OR2M4: variants seen among roughly 807,000 people sequenced by gnomAD.
OR2M4 encodes the protein olfactory receptor family 2 subfamily M member 4.
In OR2M4, 8 loss-of-function variants were observed where a neutral mutation model predicts 13.7. That is an observed-to-expected ratio of 0.58 (90% CI 0.34 to 1.05). The LOEUF is 1.05. Ranked by LOEUF, OR2M4 falls within the 50% of genes least tolerant of loss-of-function variation. The probability of loss-of-function intolerance (pLI) is 0.02; values close to 1 mark genes in which losing one functional copy is unlikely to be tolerated. For synonymous variants in OR2M4, 152 were observed against 141.3 expected (o/e 1.08, Z -0.53); for missense variants, 374 against 381.6 (o/e 0.98, Z 0.17).
At position 248,235,543 on chromosome 1, in the gene OR2M4, C is replaced by T. The variant is rs760869981; in HGVS notation, c.-19-3367C>T. 1.2e-3 allele frequency among the ~76,000 whole-genome samples: 189 copies of T among 152,136 alleles called. 1 individual carries two copies. Among genetic ancestry groups the T allele is most frequent in the Non-Finnish European group, 2.0e-3 (138 of 67,974 alleles). On this transcript the variant is annotated intron_variant, in intron 1 of 1. Transcript: ENST00000641868. ...GTAGTTTATCTAATTCTGTGAAAAA[C>T]GTCCATGGTAGTTTGATGGGAATAG...
Position 248,239,907 on chromosome 1 carries a change from A to G in OR2M4, c.*43A>G. 1 of 1,228,464 alleles carries G rather than the reference A, an allele frequency of 8.1e-7. No homozygotes were observed. The highest frequency in any genetic ancestry group is 1.5e-5 in the African/African-American group (1 of 65,762). The allele number at this position is 1,228,464 out of a possible 1,614,324, so 76.1% of individuals were successfully genotyped here. The stretch of plus-strand genomic sequence containing the variant: ...TGAGTGCCTACTGTGGTCAACACTC[A>G]TTCAAAAAAACTGGAATCTCTTAAA... On this transcript the variant is annotated 3_prime_UTR_variant, in exon 2 of 2. Coordinates refer to ENST00000641868, the MANE Select transcript of OR2M4 (RefSeq NM_017504.2).
chr1:248,237,859 C>T (rs1360533937), intron 1 of OR2M4, among the ~76,000 whole-genome samples: 2 of 152,172 alleles, frequency 1.3e-5, no homozygotes, highest in Non-Finnish European at 2.9e-5. Context: ...TGGTAGAACA[C>T]GCCCCGTAAG....
chr1:248,237,246 T>C (rs1045725750), intron 1 of OR2M4, among the ~76,000 whole-genome samples: 1 of 152,084 alleles, frequency 6.6e-6, no homozygotes, highest in South Asian at 2.1e-4. Context: ...TGGTTCAACA[T>C]ACAATAAACA....
rs1279231068 is a variant in OR2M4, at chr1:248,241,200, G to T, written c.*1336G>T. The T allele has an allele frequency of 6.6e-6, 1 of 152,152 alleles. No individual in the cohort carries two copies. The highest frequency in any genetic ancestry group is 6.5e-5 in the Admixed American group (1 of 15,272). The allele number at this position is 152,152 out of a possible 1,614,324, so 9.4% of individuals were successfully genotyped here. On this transcript the variant is annotated 3_prime_UTR_variant, in exon 2 of 2. Coordinates refer to ENST00000641868, the MANE Select transcript of OR2M4 (RefSeq NM_017504.2). Reference sequence around the variant, plus strand: ...CATCACCCTTGCCTAACCTCAGGCTGCACAGCTCATGGCTCCAAAAGAGTT... The same window carrying T: ...CATCACCCTTGCCTAACCTCAGGCTTCACAGCTCATGGCTCCAAAAGAGTT...
rs74650317 is a variant in OR2M4 at position 248,237,846 on chromosome 1, C to T, written c.-19-1064C>T. Among the ~76,000 whole-genome samples, 1,163 of 152,334 alleles carry T rather than the reference C, an allele frequency of 7.6e-3. 7 individuals are homozygous for T. Among genetic ancestry groups the T allele is most frequent in the African/African-American group, 0.01 (431 of 41,562 alleles). On this transcript the variant is annotated intron_variant, in intron 1 of 1. Coordinates refer to ENST00000641868, the MANE Select transcript of OR2M4 (RefSeq NM_017504.2). ...TTTCATACAGTTGAGCCTTTGCTCA[C>T]TGTGGTAGAACACGCCCCGTAAGTC...
Position 248,244,555 on chromosome 1 carries a change from G to C in OR2M4, c.*4691G>C, listed in dbSNP as rs1464590786. 1.3e-5 allele frequency: 2 copies of C among 152,150 alleles called. No individual in the cohort carries two copies. Among genetic ancestry groups the C allele is most frequent in the Non-Finnish European group, 2.9e-5 (2 of 68,034 alleles). 9.4% of individuals were successfully genotyped at this position (152,150 alleles called of 1,614,324 possible). On this transcript the variant is annotated 3_prime_UTR_variant, in exon 2 of 2. Coordinates refer to ENST00000641868, the MANE Select transcript of OR2M4 (RefSeq NM_017504.2). Reference sequence around the variant, plus strand: ...GACTACCAAATGGGGAAGGAAGGGAGGGGAGTGTGGGTTGCAAAACTACCT... The same window carrying C: ...GACTACCAAATGGGGAAGGAAGGGACGGGAGTGTGGGTTGCAAAACTACCT...
chr1:248,236,489 A>C (rs1666557483), intron 1 of OR2M4, among the ~76,000 whole-genome samples: 1 of 152,138 alleles, frequency 6.6e-6, no homozygotes, highest in South Asian at 2.1e-4. Flanking sequence ...CCCTAACATC[A>C]CAACTAAAAG....
At position 248,231,560 on chromosome 1, in the gene OR2M4, T is replaced by C. The variant is rs1296564555; in HGVS notation, c.-40T>C. The C allele has an allele frequency of 1.3e-5, 2 of 152,166 alleles. No homozygotes were observed. The highest frequency in any genetic ancestry group is 2.9e-5 in the Non-Finnish European group (2 of 68,026). 9.4% of individuals were successfully genotyped at this position (152,166 alleles called of 1,614,324 possible). On this transcript the variant is annotated 5_prime_UTR_variant, in exon 1 of 2. Coordinates refer to ENST00000641868, the MANE Select transcript of OR2M4 (RefSeq NM_017504.2). ...AAGAACCCAGAACTGATTTGGCGAA[T>C]TTTCCCCTTGATCACCACCTGTGAG...
chr1:248,231,809 C>T (rs1434509207), intron 1 of OR2M4, among the ~76,000 whole-genome samples: 1 of 152,036 alleles, frequency 6.6e-6, no homozygotes, highest in African/African-American at 2.4e-5. Flanking sequence ...CTCATTTCTC[C>T]TGCAATCCTG....
At chr1:248,232,269 A>G (rs888202346) in intron 1 of OR2M4, among the ~76,000 whole-genome samples, 1 of 152,260 alleles carries the variant, frequency 6.6e-6, no homozygotes, top group Non-Finnish European at 1.5e-5. Flanking sequence ...TGAAATCTGG[A>G]CACATTGAAT....
In OR2M4 at chr1:248,241,044, A is replaced by C. The variant is rs1053024076; in HGVS notation, c.*1180A>C. 1.3e-5 allele frequency: 2 copies of C among 152,248 alleles called. No homozygotes were observed. The highest frequency in any genetic ancestry group is 6.5e-5 in the Admixed American group (1 of 15,284). The allele number at this position is 152,248 out of a possible 1,614,324, so 9.4% of individuals were successfully genotyped here. A position where few individuals can be genotyped will look rare whatever the true frequency, so the allele number is the denominator to read the frequency against. ...CGCTGAGGCTCTAAGTAAACTTAAA[A>C]GGCGGTCTATGCCATAAGTACTGCA... On this transcript the variant is annotated 3_prime_UTR_variant, in exon 2 of 2. Transcript: ENST00000641868.
chr1:248,237,702 T>C (rs1214088027), intron 1 of OR2M4, among the ~76,000 whole-genome samples: 1 of 152,154 alleles, frequency 6.6e-6, no homozygotes, highest in Non-Finnish European at 1.5e-5. Flanking sequence ...AAACTAGGTA[T>C]TGATGGAACA....
rs754201462 is a variant in OR2M4 at position 248,239,916 on chromosome 1, A to C, written c.*52A>C. ...ACTGTGGTCAACACTCATTCAAAAA[A>C]ACTGGAATCTCTTAAATTATTCTAT... On this transcript the variant is annotated 3_prime_UTR_variant, in exon 2 of 2. Coordinates refer to ENST00000641868, the MANE Select transcript of OR2M4 (RefSeq NM_017504.2). 2.7e-6 allele frequency: 3 copies of C among 1,094,800 alleles called. No homozygotes were observed. Among genetic ancestry groups the C allele is most frequent in the Non-Finnish European group, 3.9e-6 (3 of 766,962 alleles). 67.8% of individuals were successfully genotyped at this position (1,094,800 alleles called of 1,614,324 possible).
At position 248,241,337 on chromosome 1, in the gene OR2M4, G is replaced by A. The variant is rs1387510841; in HGVS notation, c.*1473G>A. On this transcript the variant is annotated 3_prime_UTR_variant, in exon 2 of 2. Coordinates refer to ENST00000641868, the MANE Select transcript of OR2M4 (RefSeq NM_017504.2). ...CAAAGCTGTGAGGCCCTTATTCCAG[G>A]ACCTCCATCCCAGATGACATTTCTA... The A allele has an allele frequency of 1.3e-5, 2 of 152,078 alleles. No individual in the cohort carries two copies. Among genetic ancestry groups the A allele is most frequent in the Non-Finnish European group, 2.9e-5 (2 of 68,022 alleles). The allele number at this position is 152,078 out of a possible 1,614,324, so 9.4% of individuals were successfully genotyped here. A position where few individuals can be genotyped will look rare whatever the true frequency, so the allele number is the denominator to read the frequency against.
chr1:248,235,555 T>C (rs140527138), intron 1 of OR2M4, among the ~76,000 whole-genome samples: 5 of 152,272 alleles, frequency 3.3e-5, no homozygotes, highest in African/African-American at 1.2e-4. Context: ...TCCATGGTAG[T>C]TTGATGGGAA....
chr1:248,236,567 G>A (rs1471707283), intron 1 of OR2M4, among the ~76,000 whole-genome samples: 2 of 151,380 alleles, frequency 1.3e-5, no homozygotes, highest in Non-Finnish European at 2.9e-5. Context: ...AGATCAGAGT[G>A]ACACTGAAGG....
chr1:248,239,788 C>T lies in OR2M4; in HGVS notation c.860C>T (p.Pro287Leu). ...FYTILTPMLN[P>L]LIYSLRNKEV... Reference sequence around the variant, plus strand: ...ACTATTCTCACCCCTATGCTGAACCCTCTCATTTATAGCCTCCGCAACAAA... The same window carrying T: ...ACTATTCTCACCCCTATGCTGAACCTTCTCATTTATAGCCTCCGCAACAAA... Residue 287 changes from proline (P) to leucine (L), a missense_variant, in exon 2 of 2, where the codon CCT becomes CTT. Physicochemically the swap from Pro to Leu is moderately conservative, Grantham distance 98 (BLOSUM62 -3). Coordinates refer to ENST00000641868, the MANE Select transcript of OR2M4 (RefSeq NM_017504.2). The T allele has an allele frequency of 6.2e-7, 1 of 1,614,098 alleles. No individual in the cohort carries two copies. Among genetic ancestry groups the T allele is most frequent in the South Asian group, 1.1e-5 (1 of 91,070 alleles).
chr1:248,238,572 T>C (rs1400012356), intron 1 of OR2M4, among the ~76,000 whole-genome samples: 1 of 152,140 alleles, frequency 6.6e-6, no homozygotes, highest in Non-Finnish European at 1.5e-5. Flanking sequence ...TGAGGTATGA[T>C]CCTAAAATTT....
At chr1:248,236,643 T>A in intron 1 of OR2M4, among the ~76,000 whole-genome samples, 1 of 150,546 alleles carries the variant, frequency 6.6e-6, no homozygotes, top group Non-Finnish European at 1.5e-5. Flanking sequence ...TTTTGAAAAA[T>A]AAAATAAAAT....
Sources: gnomAD v4.1 joint callset for allele counts (sites outside exome capture counted in the v4.1 genomes callset) on GRCh38, gnomAD v4.1.1 for gene constraint, MANE v1.5 for transcripts, NCBI Gene and HGNC (gene_info 2026-07-23, HGNC 2026-07-21) for gene names.